EMCN: variants seen among roughly 807,000 people sequenced by gnomAD.
The protein encoded by EMCN is MUC-14.
Under a neutral mutation model 38.4 loss-of-function variants are expected in EMCN, and 37 were observed. That is an observed-to-expected ratio of 0.96 (90% CI 0.74 to 1.27). The LOEUF (loss-of-function observed/expected upper bound fraction) is 1.27, where lower values mean the gene tolerates loss of function less well. EMCN is among the 50% of genes most tolerant of loss of function. The probability of loss-of-function intolerance (pLI) is 0.00; values close to 1 mark genes in which losing one functional copy is unlikely to be tolerated. For missense variants in EMCN, 318 were observed against 302.8 expected (o/e 1.05, Z -0.37); for synonymous variants, 95 against 100.8 (o/e 0.94, Z 0.35).
At chr4:100,408,872 G>C (rs1304518462) in intron 11 of EMCN, among the ~76,000 whole-genome samples, 1 of 152,218 alleles carries the variant, frequency 6.6e-6, no homozygotes, top group African/African-American at 2.4e-5. Context: ...AAGAGCAGGA[G>C]GGCAGGGGAA....
At chr4:100,412,761 A>G (rs1401866951) in intron 10 of EMCN, among the ~76,000 whole-genome samples, 1 of 152,168 alleles carries the variant, frequency 6.6e-6, no homozygotes, top group Non-Finnish European at 1.5e-5. Flanking sequence ...ATTTAAGAGA[A>G]TTCCAAATTT....
At chr4:100,441,306 T>C (rs77122638) in intron 5 of EMCN, among the ~76,000 whole-genome samples, 3,421 of 152,238 alleles carry the variant, frequency 0.022, 59 homozygotes, top group Non-Finnish European at 0.035. Context: ...TGAATTATAT[T>C]TCATCAGGTG....
At chr4:100,410,154 T>C (rs1460159927) in intron 11 of EMCN, 128 bp downstream of exon 11, 1 of 689,560 alleles carries the variant, frequency 1.5e-6, no homozygotes, top group Non-Finnish European at 2.5e-6. Context: ...AAATAGACAA[T>C]GATCATTGCA....
intron 5 of EMCN, among the ~76,000 whole-genome samples, chr4:100,436,688 G>C (rs963944927): frequency 2.0e-5 from 3 of 152,144 alleles, no homozygotes; most frequent in African/African-American, 7.2e-5. Flanking sequence ...GCCATAAAAA[G>C]TAATGAGATC....
At chr4:100,486,677 G>T (rs2110287858) in intron 1 of EMCN, among the ~76,000 whole-genome samples, 1 of 152,346 alleles carries the variant, frequency 6.6e-6, no homozygotes, top group South Asian at 2.1e-4. Context: ...GCCAAGCCTG[G>T]CAGGCTCTGA....
chr4:100,492,630 A>C (rs767655436), intron 1 of EMCN, among the ~76,000 whole-genome samples: 1 of 152,194 alleles, frequency 6.6e-6, no homozygotes, highest in Non-Finnish European at 1.5e-5. Context: ...CAAAACATTA[A>C]AGATGAATAA....
At chr4:100,495,581 C>T (rs1729187816) in intron 1 of EMCN, among the ~76,000 whole-genome samples, 1 of 152,008 alleles carries the variant, frequency 6.6e-6, no homozygotes, top group South Asian at 2.1e-4. Context: ...AATTTACTTT[C>T]CTGACAGAGT....
At chr4:100,515,635 C>T (rs573999565) in intron 1 of EMCN, among the ~76,000 whole-genome samples, 8 of 152,112 alleles carry the variant, frequency 5.3e-5, no homozygotes, top group African/African-American at 1.9e-4. Context: ...TGCTTGACAG[C>T]TTGTGAATTT....
At chr4:100,484,940 T>C (rs1459584678) in intron 1 of EMCN, among the ~76,000 whole-genome samples, 2 of 152,178 alleles carry the variant, frequency 1.3e-5, no homozygotes, top group African/African-American at 4.8e-5. Context: ...CTAATTATAC[T>C]ACTTGGGTAT....
chr4:100,488,137 CTA>C (rs1448339787), intron 1 of EMCN, among the ~76,000 whole-genome samples: 1 of 152,156 alleles, frequency 6.6e-6, no homozygotes, highest in Non-Finnish European at 1.5e-5. Context: ...ATTTTTTCAT[CTA>C]TAAAAAGTGA....
chr4:100,430,410 T>A (rs1029311918), intron 5 of EMCN, among the ~76,000 whole-genome samples: 4 of 152,134 alleles, frequency 2.6e-5, no homozygotes, highest in African/African-American at 9.7e-5. Context: ...TATTTTCAAT[T>A]TAGGCCTCAA....
At chr4:100,513,782 G>T (rs1729686914) in intron 1 of EMCN, among the ~76,000 whole-genome samples, 1 of 152,058 alleles carries the variant, frequency 6.6e-6, no homozygotes, top group African/African-American at 2.4e-5. Context: ...GTCATAGGAA[G>T]AAATTAAAAT....
rs577725245 is a variant in EMCN at position 100,399,127 on chromosome 4, C to T, written c.*40-754G>A. On this transcript the variant is annotated intron_variant, in intron 11 of 11. Coordinates refer to ENST00000296420, the MANE Select transcript of EMCN (RefSeq NM_016242.4). ...GAATGAATACCATTTGCCACTTCTT[C>T]ATAGGAAAGGTAGCCAAGCCTTTGG... Among the ~76,000 whole-genome samples the T allele has an allele frequency of 2.0e-5, 3 of 152,306 alleles. No individual in the cohort carries two copies. In the South Asian group the frequency reaches 6.2e-4, roughly 32 times the overall value.
intron 11 of EMCN, among the ~76,000 whole-genome samples, chr4:100,406,331 T>A (rs1307539065): frequency 1.3e-5 from 2 of 152,168 alleles, no homozygotes; most frequent in Non-Finnish European, 2.9e-5. Flanking sequence ...TGTTAGATTG[T>A]CAATTTGAGA....
chr4:100,428,394 C>T (rs549916342), intron 5 of EMCN, among the ~76,000 whole-genome samples: 48 of 152,236 alleles, frequency 3.2e-4, no homozygotes, highest in African/African-American at 1.1e-3. Flanking sequence ...CCTTCCCCAC[C>T]TCTCCAGTGC....
rs1485633223 is a variant in EMCN at position 100,454,394 on chromosome 4, A to G, written c.377-6823T>C. Among the ~76,000 whole-genome samples, 4 of 152,026 alleles carry G rather than the reference A, an allele frequency of 2.6e-5. No homozygotes were observed. In the East Asian group the frequency reaches 5.8e-4, roughly 22 times the overall value. ...TTGAAGCACCCCTCAGTGACAACCA[A>G]CGTAGCTCTGCATATAGTCAATGAT... is the stretch of plus-strand genomic sequence containing the variant. On this transcript the variant is annotated intron_variant, in intron 4 of 11. Transcript: ENST00000296420.
At chr4:100,435,841 C>G (rs1727337690) in intron 5 of EMCN, among the ~76,000 whole-genome samples, 1 of 152,140 alleles carries the variant, frequency 6.6e-6, no homozygotes, top group South Asian at 2.1e-4. Flanking sequence ...ATAATTGAAA[C>G]TGGACCCCTT....
chr4:100,493,822 C>T (rs1458588048), intron 1 of EMCN, among the ~76,000 whole-genome samples: 1 of 152,144 alleles, frequency 6.6e-6, no homozygotes, highest in Non-Finnish European at 1.5e-5. Context: ...TTTAAATTCA[C>T]TCAAGTCTTC....
At chr4:100,408,138 C>G (rs1019324543) in intron 11 of EMCN, among the ~76,000 whole-genome samples, 1 of 152,118 alleles carries the variant, frequency 6.6e-6, no homozygotes, top group East Asian at 1.9e-4. Context: ...TTGTTGAATT[C>G]CTCAGATTCC....
Sources: gnomAD v4.1 joint callset for allele counts (sites outside exome capture counted in the v4.1 genomes callset) on GRCh38, gnomAD v4.1.1 for gene constraint, MANE v1.5 for transcripts, NCBI Gene and HGNC (gene_info 2026-07-23, HGNC 2026-07-21) for gene names.